Variants in CNTN1 observed in about 807,000 individuals in gnomAD.
The protein encoded by CNTN1 is contactin-1.
A neutral mutation model predicts 126.4 loss-of-function variants in CNTN1; 38 were observed. The observed-to-expected ratio is 0.30, with a 90% CI of 0.23 to 0.39. CNTN1 has a LOEUF of 0.39. CNTN1 is among the 10% of genes least tolerant of loss of function. The pLI, the probability that CNTN1 is intolerant of heterozygous loss-of-function variation, is 1.00. For missense variants in CNTN1, 1,009 were observed against 1,248.4 expected, an observed-to-expected ratio of 0.81 and a Z score of 2.89; for synonymous variants, 413 against 422.6, an observed-to-expected ratio of 0.98 and a Z score of 0.28.
chr12:40,906,679 G>GTTTTTT (rs1294983594), intron 1 of CNTN1, among the ~76,000 whole-genome samples: 1 of 116,058 alleles, frequency 8.6e-6, no homozygotes, highest in Non-Finnish European at 1.8e-5. Context: ...CTTTTTTTTT[G>GTTTTTT]TTTTGTTTTT....
intron 1 of CNTN1, among the ~76,000 whole-genome samples, chr12:40,819,893 T>A (rs11178540): frequency 6.6e-6 from 1 of 151,984 alleles, no homozygotes; most frequent in African/African-American, 2.4e-5. Context: ...TCACCACCTC[T>A]CTTGGCTCGG....
intron 9 of CNTN1, among the ~76,000 whole-genome samples, chr12:40,934,503 G>A (rs1946013611): frequency 7.0e-6 from 1 of 143,756 alleles, no homozygotes; most frequent in African/African-American, 2.6e-5. Flanking sequence ...ACTTACATTT[G>A]GGAAGACAGA....
chr12:40,840,728 T>C (rs1011951261), intron 1 of CNTN1, among the ~76,000 whole-genome samples: 1 of 151,662 alleles, frequency 6.6e-6, no homozygotes, highest in Non-Finnish European at 1.5e-5. Flanking sequence ...TGCATTAACA[T>C]TGAGCCAATG....
In CNTN1 at chr12:40,707,068, A is replaced by G. The variant is rs1412594759; in HGVS notation, c.-77+14476A>G. On this transcript the variant is annotated intron_variant, in intron 1 of 23. Transcript: ENST00000551295. ...TGCGCACACACACACACACACACAC[A>G]CACACACACACACACACACACCCCT... Among the ~76,000 whole-genome samples, 1,211 of 150,658 alleles carry G rather than the reference A, an allele frequency of 8.0e-3. 7 individuals carry two copies. The highest frequency in any genetic ancestry group is 0.024 in the Middle Eastern group (7 of 292).
intron 23 of CNTN1, among the ~76,000 whole-genome samples, chr12:41,055,222 A>C (rs2121058444): frequency 6.6e-6 from 1 of 152,274 alleles, no homozygotes; most frequent in South Asian, 2.1e-4. Flanking sequence ...CTATAACTTT[A>C]CATTAATTTA....
rs1017070227 is a variant in CNTN1 at position 40,867,729 on chromosome 12, C to T, written c.-76-40628C>T. Among the ~76,000 whole-genome samples, 4 of 152,084 alleles carry T rather than the reference C, an allele frequency of 2.6e-5. No homozygotes were observed. In the East Asian group the frequency reaches 7.7e-4, roughly 29 times the overall value. ...TGAGGGAAGTCTCCTGAGACTCATT[C>T]ATGCTCTGCTCTCCAAGCATGAATT... is the stretch of plus-strand genomic sequence containing the variant. On this transcript the variant is annotated intron_variant, in intron 1 of 23. Transcript: ENST00000551295.
At chr12:40,809,041 T>C (rs972962913) in intron 1 of CNTN1, among the ~76,000 whole-genome samples, 1 of 152,228 alleles carries the variant, frequency 6.6e-6, no homozygotes, top group South Asian at 2.1e-4. Flanking sequence ...GTCTAGATCA[T>C]GTGTTATTCA....
intron 1 of CNTN1, among the ~76,000 whole-genome samples, chr12:40,784,940 A>AC (rs1939952929): frequency 6.6e-6 from 1 of 152,142 alleles, no homozygotes; most frequent in South Asian, 2.1e-4. Flanking sequence ...ATTCATAGTC[A>AC]TGGGGTGGAT....
chr12:40,878,100 C>T (rs551100889), intron 1 of CNTN1, among the ~76,000 whole-genome samples: 4 of 143,154 alleles, frequency 2.8e-5, no homozygotes, highest in East Asian at 2.1e-4. Context: ...TGGGTTGAAG[C>T]GATTCTCCTG....
chr12:40,919,617 C>G (rs997584141), intron 4 of CNTN1, among the ~76,000 whole-genome samples: 1 of 152,100 alleles, frequency 6.6e-6, no homozygotes, highest in Non-Finnish European at 1.5e-5. Context: ...ACAAAAGTAA[C>G]TTTCTATTAT....
chr12:40,813,966 T>G (rs1460417021), intron 1 of CNTN1, among the ~76,000 whole-genome samples: 1 of 152,138 alleles, frequency 6.6e-6, no homozygotes. Flanking sequence ...CTTTTTTTCA[T>G]ATGTTTGTTG....
chr12:40,850,547 A>G (rs866942242), intron 1 of CNTN1, among the ~76,000 whole-genome samples: 1 of 152,108 alleles, frequency 6.6e-6, no homozygotes, highest in South Asian at 2.1e-4. Flanking sequence ...TTTGCATTAA[A>G]AAAAAAAGCT....
chr12:40,790,367 C>G (rs1002160080), intron 1 of CNTN1, among the ~76,000 whole-genome samples: 1 of 152,036 alleles, frequency 6.6e-6, no homozygotes, highest in Non-Finnish European at 1.5e-5. Context: ...TGAGCTGTTA[C>G]CACCTTTATG....
At chr12:40,808,002 A>T (rs1048554163) in intron 1 of CNTN1, among the ~76,000 whole-genome samples, 3 of 152,150 alleles carry the variant, frequency 2.0e-5, no homozygotes, top group Non-Finnish European at 2.9e-5. Flanking sequence ...TTACTTAGAC[A>T]GTATAACTGC....
At chr12:40,963,245 A>G (rs2137019579) in intron 15 of CNTN1, among the ~76,000 whole-genome samples, 1 of 152,238 alleles carries the variant, frequency 6.6e-6, no homozygotes, top group East Asian at 1.9e-4. Context: ...ACCCGTCTCT[A>G]CCAAAAATAC....
intron 1 of CNTN1, among the ~76,000 whole-genome samples, chr12:40,858,380 A>C (rs1942991773): frequency 6.6e-6 from 1 of 152,182 alleles, no homozygotes; most frequent in Non-Finnish European, 1.5e-5. Context: ...AAGATTAACA[A>C]ACAATATGAA....
At chr12:40,745,375 C>T (rs779031067) in intron 1 of CNTN1, among the ~76,000 whole-genome samples, 9 of 152,020 alleles carry the variant, frequency 5.9e-5, no homozygotes, top group Non-Finnish European at 1.2e-4. Flanking sequence ...AGACATCAGT[C>T]AATACATGTA....
At chr12:40,931,576 T>C (rs949822392) in intron 7 of CNTN1, among the ~76,000 whole-genome samples, 3 of 151,984 alleles carry the variant, frequency 2.0e-5, no homozygotes, top group African/African-American at 7.2e-5. Flanking sequence ...GTGTCACAAA[T>C]ACATGTGTTA....
At chr12:40,918,878 T>C (rs1489185028) in intron 4 of CNTN1, 107 bp downstream of exon 4, 6 of 1,365,988 alleles carry the variant, frequency 4.4e-6, no homozygotes, top group African/African-American at 2.9e-5. Context: ...GCAAATTCCA[T>C]GGACATTAAC....
Sources: allele counts gnomAD v4.1 joint callset (sites outside exome capture counted in the v4.1 genomes callset), GRCh38; gene constraint gnomAD v4.1.1; transcripts MANE v1.5; gene names NCBI Gene and HGNC (gene_info 2026-07-23, HGNC 2026-07-21).